Variants in CCDC91 observed in about 807,000 individuals in gnomAD.
CCDC91 encodes the protein coiled-coil domain containing 91, also known as coiled-coil domain-containing protein 91.
CCDC91 carries 48 observed loss-of-function variants against 63.2 expected under a neutral mutation model. The observed-to-expected ratio is 0.76, with a 90% CI of 0.60 to 0.97. The LOEUF (loss-of-function observed/expected upper bound fraction) is 0.97, where lower values mean the gene tolerates loss of function less well. CCDC91 is among the 50% of genes least tolerant of loss of function. CCDC91 has a pLI of 0.00. For missense variants in CCDC91, 500 were observed against 494.6 expected (o/e 1.01, Z -0.10); for synonymous variants, 167 against 165.8 (o/e 1.01, Z -0.06).
chr12:28,426,947 A>G (rs1948352867), intron 8 of CCDC91, among the ~76,000 whole-genome samples: 1 of 152,154 alleles, frequency 6.6e-6, no homozygotes, highest in African/African-American at 2.4e-5. Flanking sequence ...GAAGTAGGCT[A>G]TGTTTAATAT....
intron 6 of CCDC91, among the ~76,000 whole-genome samples, chr12:28,340,397 G>C (rs1447943433): frequency 6.6e-6 from 1 of 152,148 alleles, no homozygotes; most frequent in Non-Finnish European, 1.5e-5. Context: ...GAGAGAATGA[G>C]AGTGAAAAAG....
chr12:28,337,462 T>A (rs1942072176), intron 6 of CCDC91, among the ~76,000 whole-genome samples: 1 of 152,114 alleles, frequency 6.6e-6, no homozygotes, highest in South Asian at 2.1e-4. Flanking sequence ...CATTGTTTTC[T>A]TTATTATTTT....
At chr12:28,332,075 A>C (rs1941563323) in intron 6 of CCDC91, among the ~76,000 whole-genome samples, 2 of 152,190 alleles carry the variant, frequency 1.3e-5, no homozygotes, top group Admixed American at 1.3e-4. Context: ...ACAAATTAAT[A>C]TGTAAATTTA....
intron 1 of CCDC91, among the ~76,000 whole-genome samples, chr12:28,195,561 A>G (rs1327895884): frequency 6.6e-6 from 1 of 152,226 alleles, no homozygotes; most frequent in Admixed American, 6.5e-5. Context: ...CTGTTTGGCT[A>G]AAACCTCAGT....
chr12:28,500,149 A>G (rs1952553624), intron 12 of CCDC91, among the ~76,000 whole-genome samples: 1 of 150,626 alleles, frequency 6.6e-6, no homozygotes, highest in Admixed American at 6.6e-5. Flanking sequence ...TCTTCTTTTG[A>G]GAAGTGTCTG....
chr12:28,363,268 A>T (rs2881860), intron 7 of CCDC91, among the ~76,000 whole-genome samples: 37,902 of 151,858 alleles, frequency 0.25, 5,280 homozygotes, highest in East Asian at 0.57. Flanking sequence ...TGAATTGATT[A>T]AAAAAAATGT....
At chr12:28,403,574 T>C (rs1946762385) in intron 8 of CCDC91, among the ~76,000 whole-genome samples, 1 of 152,090 alleles carries the variant, frequency 6.6e-6, no homozygotes, top group African/African-American at 2.4e-5. Flanking sequence ...CACCTAACTT[T>C]CATGACTTAA....
chr12:28,473,848 A>T (rs536460616), intron 11 of CCDC91, among the ~76,000 whole-genome samples: 6 of 152,088 alleles, frequency 3.9e-5, no homozygotes, highest in Non-Finnish European at 8.8e-5. Flanking sequence ...CCCTCAGGAG[A>T]ACATTTACCT....
chr12:28,242,343 C>T (rs1592084226), intron 1 of CCDC91, among the ~76,000 whole-genome samples: 1 of 152,166 alleles, frequency 6.6e-6, no homozygotes, highest in East Asian at 1.9e-4. Flanking sequence ...GACTTGTGTC[C>T]AGTTTATTCT....
intron 3 of CCDC91, among the ~76,000 whole-genome samples, chr12:28,274,534 C>G (rs1948049141): frequency 6.6e-6 from 1 of 152,002 alleles, no homozygotes; most frequent in South Asian, 2.1e-4. Flanking sequence ...TGGTTTGTAG[C>G]TCTCCTTGAA....
chr12:28,388,334 A>T (rs977745045), intron 7 of CCDC91, among the ~76,000 whole-genome samples: 3 of 152,130 alleles, frequency 2.0e-5, no homozygotes, highest in Admixed American at 1.3e-4. Context: ...CTGTTTGCTG[A>T]TGATATGATT....
At chr12:28,447,778 C>A (rs1486376012) in intron 8 of CCDC91, among the ~76,000 whole-genome samples, 24 of 23,290 alleles carry the variant, frequency 1.0e-3, no homozygotes, top group Non-Finnish European at 1.7e-3. Flanking sequence ...AAGGGCAGGG[C>A]AGGGCAGGGG....
chr12:28,268,730 T>TG, intron 3 of CCDC91: 1 of 900,724 alleles, frequency 1.1e-6, no homozygotes, highest in Non-Finnish European at 1.3e-6. Context: ...AGGGATGGCA[T>TG]GGGGAAGGGA....
intron 12 of CCDC91, among the ~76,000 whole-genome samples, chr12:28,539,285 A>G (rs1305186877): frequency 2.0e-5 from 3 of 152,192 alleles, no homozygotes; most frequent in Non-Finnish European, 4.4e-5. Context: ...ATTTTTGTAG[A>G]AGGTGTAAGG....
intron 1 of CCDC91, among the ~76,000 whole-genome samples, chr12:28,192,125 C>T (rs1292020816): frequency 1.3e-5 from 2 of 152,128 alleles, no homozygotes; most frequent in African/African-American, 4.8e-5. Flanking sequence ...TACTTAATAA[C>T]ACACAAAAGA....
chr12:28,508,005 C>T (rs1011561014), intron 12 of CCDC91, among the ~76,000 whole-genome samples: 1 of 151,800 alleles, frequency 6.6e-6, no homozygotes, highest in African/African-American at 2.4e-5. Context: ...GGGGGAGGCT[C>T]TCAGGAAGAG....
At chr12:28,421,994 A>G (rs1040523395) in intron 8 of CCDC91, among the ~76,000 whole-genome samples, 9 of 152,116 alleles carry the variant, frequency 5.9e-5, no homozygotes, top group African/African-American at 1.9e-4. Flanking sequence ...TTGCCTATAC[A>G]TACTTTGTGC....
chr12:28,223,352 G>C (rs997071088), intron 1 of CCDC91, among the ~76,000 whole-genome samples: 4 of 152,102 alleles, frequency 2.6e-5, no homozygotes, highest in Non-Finnish European at 5.9e-5. Context: ...TCTAGTACCT[G>C]TCTGATATTT....
intron 12 of CCDC91, among the ~76,000 whole-genome samples, chr12:28,512,010 T>G (rs1228724545): frequency 1.3e-5 from 2 of 151,908 alleles, no homozygotes; most frequent in Non-Finnish European, 2.9e-5. Flanking sequence ...CACACATGTA[T>G]ATGACTAGAT....
Sources: allele counts gnomAD v4.1 joint callset (sites outside exome capture counted in the v4.1 genomes callset), GRCh38; gene constraint gnomAD v4.1.1; transcripts MANE v1.5; gene names NCBI Gene and HGNC (gene_info 2026-07-23, HGNC 2026-07-21).